Variants in FAM171A1 observed in about 807,000 individuals in gnomAD.
The protein encoded by FAM171A1 is family with sequence similarity 171 member A1, also known as protein FAM171A1.
Under a neutral mutation model 74.9 loss-of-function variants are expected in FAM171A1, and 23 were observed. That is an observed-to-expected ratio of 0.31 (90% CI 0.22 to 0.44). The LOEUF is 0.44. Among genes scored for constraint, FAM171A1 ranks in the 20% least tolerant of loss-of-function variants. The probability of loss-of-function intolerance (pLI) is 1.00; values close to 1 mark genes in which losing one functional copy is unlikely to be tolerated. For synonymous variants in FAM171A1, 527 were observed against 505.7 expected (o/e 1.04, Z -0.57); for missense variants, 1,162 against 1,159.2 (o/e 1.00, Z -0.03).
At chr10:15,370,484 G>C (rs867363866) in intron 1 of FAM171A1, among the ~76,000 whole-genome samples, 1 of 151,732 alleles carries the variant, frequency 6.6e-6, no homozygotes, top group African/African-American at 2.4e-5. Flanking sequence ...ACCCCCTCCC[G>C]CCACAACAAA....
rs573536367 is a variant in FAM171A1, at chr10:15,214,483, G to A, written c.1105C>T (p.Arg369Ter). ...MSHINLLFSRRASEFPGPLSV... is the reference protein window; with the variant it reads ...MSHINLLFSR ...AGCGGGCCAGGGAATTCTGACGCTC[G>A]GCGTGAAAACAGCAAGTTAATGTGT... The change falls in exon 8 of 8, where the codon CGA becomes TGA. Residue 369 changes from arginine to a stop codon, truncating the protein, a stop_gained. Transcript: ENST00000378116. LOFTEE classifies it high-confidence loss of function. The A allele has an allele frequency of 5.6e-6, 9 of 1,614,038 alleles. No homozygotes were observed. Among genetic ancestry groups the A allele is most frequent in the South Asian group, 2.2e-5 (2 of 91,084 alleles).
chr10:15,282,864 GT>G (rs1479660623), intron 2 of FAM171A1, among the ~76,000 whole-genome samples: 31 of 152,168 alleles, frequency 2.0e-4, no homozygotes, highest in African/African-American at 7.2e-4. Context: ...CTCTCCTGGG[GT>G]CCTGTCTCAG....
rs527730642 is a variant in FAM171A1, at chr10:15,267,708, G to A, written c.418+8147C>T. Among the ~76,000 whole-genome samples, 135 of 151,952 alleles carry A rather than the reference G, an allele frequency of 8.9e-4. 1 individual carries two copies. Among genetic ancestry groups the A allele is most frequent in the African/African-American group, 3.1e-3 (129 of 41,444 alleles). On this transcript the variant is annotated intron_variant, in intron 3 of 7. Coordinates refer to ENST00000378116, the MANE Select transcript of FAM171A1 (RefSeq NM_001010924.2). Reference sequence around the variant, plus strand: ...CAGGGGGCACCCCACTCAGGTGCTGGGTCCTGGAGGAACCCTGTAGAGACT... The same window carrying A: ...CAGGGGGCACCCCACTCAGGTGCTGAGTCCTGGAGGAACCCTGTAGAGACT...
intron 1 of FAM171A1, among the ~76,000 whole-genome samples, chr10:15,352,835 T>C (rs560306546): frequency 4.5e-4 from 68 of 152,362 alleles, no homozygotes; most frequent in Non-Finnish European, 7.8e-4. Context: ...GAGTTTACTT[T>C]CACCATGTAA....
At position 15,214,577 on chromosome 10, in the gene FAM171A1, C is replaced by T. The variant is rs777223043; in HGVS notation, c.1011G>A (p.Gln337=). ...YCRRKCLKPR[Q]HHRKLQLPAG... ...CAGGGAGCTGCAGTTTTCTGTGGTG[C>T]TGACGAGGTTTCAAGCACTTCCTCC... The change falls in exon 8 of 8, where the codon CAG becomes CAA. Residue 337 remains glutamine, a synonymous_variant. Transcript: ENST00000378116. 2.4e-5 allele frequency: 38 copies of T among 1,603,128 alleles called. No individual in the cohort carries two copies. Among genetic ancestry groups the T allele is most frequent in the Non-Finnish European group, 3.2e-5 (38 of 1,173,932 alleles).
intron 1 of FAM171A1, among the ~76,000 whole-genome samples, chr10:15,333,368 C>T (rs1039187151): frequency 1.3e-5 from 2 of 152,134 alleles, no homozygotes; most frequent in Admixed American, 1.3e-4. Context: ...GGCGTGGTGG[C>T]GTGTGCCTGT....
chr10:15,243,876 G>A (rs1438179396), intron 5 of FAM171A1, among the ~76,000 whole-genome samples: 1 of 152,064 alleles, frequency 6.6e-6, no homozygotes, highest in African/African-American at 2.4e-5. Flanking sequence ...TCAGCCTCCT[G>A]AGTAGCTGGG....
intron 3 of FAM171A1, among the ~76,000 whole-genome samples, chr10:15,270,383 C>G (rs1456810150): frequency 6.6e-6 from 1 of 152,216 alleles, no homozygotes; most frequent in Admixed American, 6.5e-5. Flanking sequence ...GGCTGGGAAG[C>G]TCGAACTGGG....
intron 4 of FAM171A1, among the ~76,000 whole-genome samples, chr10:15,250,151 T>C (rs1834489100): frequency 6.6e-6 from 1 of 152,228 alleles, no homozygotes; most frequent in South Asian, 2.1e-4. Flanking sequence ...ACACAGCTAA[T>C]GCCACCCTAC....
chr10:15,255,907 CA>C (rs1455128212), intron 3 of FAM171A1, among the ~76,000 whole-genome samples: 1 of 152,118 alleles, frequency 6.6e-6, no homozygotes, highest in East Asian at 1.9e-4. Context: ...CTCAGCCTCC[CA>C]AAGTGTTGGG....
intron 6 of FAM171A1, among the ~76,000 whole-genome samples, chr10:15,219,620 C>T (rs962904254): frequency 4.6e-5 from 7 of 152,120 alleles, no homozygotes; most frequent in Non-Finnish European, 5.9e-5. Context: ...CTCGCTCTGT[C>T]GCCCAGGCTG....
intron 5 of FAM171A1, among the ~76,000 whole-genome samples, chr10:15,222,205 C>T (rs1302153461): frequency 5.3e-5 from 8 of 152,208 alleles, no homozygotes; most frequent in East Asian, 3.9e-4. Context: ...GAAATGGCTA[C>T]GTGGGCGACC....
intron 1 of FAM171A1, among the ~76,000 whole-genome samples, chr10:15,302,987 G>A (rs951063688): frequency 1.3e-5 from 2 of 152,260 alleles, no homozygotes; most frequent in Admixed American, 1.3e-4. Context: ...TCAGGAGTTT[G>A]AGACAAGCCT....
intron 1 of FAM171A1, among the ~76,000 whole-genome samples, chr10:15,342,505 T>G (rs1257165555): frequency 6.6e-6 from 1 of 151,930 alleles, no homozygotes; most frequent in Non-Finnish European, 1.5e-5. Context: ...GAGGCAGAGG[T>G]TGAAATGAGC....
At position 15,371,261 on chromosome 10, in the gene FAM171A1, GGCGGCT is replaced by G. The variant is rs1836145148; in HGVS notation, c.-215_-210del. 6.9e-6 allele frequency among the ~76,000 whole-genome samples: 1 copy of G among 144,084 alleles called. No individual in the cohort carries two copies. Among genetic ancestry groups the G allele is most frequent in the African/African-American group, 2.5e-5 (1 of 40,152 alleles). The allele number at this position is 144,084 out of a possible 152,430, so 94.5% of individuals were successfully genotyped here. Reference sequence around the variant, plus strand: ...GAAGAGCCGCGGCGGCGGCGGCGGCGGCGGCTGCTGCTGCTCCGCCAGCTCCTTAAC... The same window carrying G: ...GAAGAGCCGCGGCGGCGGCGGCGGCGGCTGCTGCTCCGCCAGCTCCTTAAC... On this transcript the variant is annotated 5_prime_UTR_variant, in exon 1 of 8. Coordinates refer to ENST00000378116, the MANE Select transcript of FAM171A1 (RefSeq NM_001010924.2).
intron 3 of FAM171A1, among the ~76,000 whole-genome samples, chr10:15,268,580 CGT>C (rs1834779113): frequency 6.6e-6 from 1 of 151,926 alleles, no homozygotes; most frequent in African/African-American, 2.4e-5. Flanking sequence ...CAAGCAGAGG[CGT>C]CATCCAAGGC....
chr10:15,216,253 T>C (rs1833965359), intron 6 of FAM171A1, 143 bp from the exon 7 acceptor site: 1 of 516,880 alleles, frequency 1.9e-6, no homozygotes, highest in Non-Finnish European at 3.4e-6. Flanking sequence ...CCTTGGATCA[T>C]GCACTTGGGG....
In FAM171A1 at chr10:15,212,768, T is replaced by C. The variant is rs111640083; in HGVS notation, c.*147A>G. The stretch of plus-strand genomic sequence containing the variant: ...AATAACTTTAATTCCTTTCTAACAT[T>C]TACACGGCAAACAGGAATGCAGTAA... On this transcript the variant is annotated 3_prime_UTR_variant, in exon 8 of 8. Coordinates refer to ENST00000378116, the MANE Select transcript of FAM171A1 (RefSeq NM_001010924.2). 0.011 allele frequency: 11,903 copies of C among 1,075,922 alleles called. 102 individuals carry two copies. Among genetic ancestry groups the C allele is most frequent in the Non-Finnish European group, 0.014 (10,138 of 747,294 alleles). 66.6% of individuals were successfully genotyped at this position (1,075,922 alleles called of 1,614,324 possible). A position where few individuals can be genotyped will look rare whatever the true frequency, so the allele number is the denominator to read the frequency against.
chr10:15,291,316 TAACAC>T (rs1835099565), intron 1 of FAM171A1, among the ~76,000 whole-genome samples: 1 of 152,144 alleles, frequency 6.6e-6, no homozygotes, highest in African/African-American at 2.4e-5. Context: ...AACCATCTCT[TAACAC>T]AACACTACCT....
Sources: allele counts gnomAD v4.1 joint callset (sites outside exome capture counted in the v4.1 genomes callset), GRCh38; gene constraint gnomAD v4.1.1; transcripts MANE v1.5; gene names NCBI Gene and HGNC (gene_info 2026-07-23, HGNC 2026-07-21).